The following CAMK2D variants were observed in gnomAD, a reference collection of about 807,000 sequenced individuals.
The protein encoded by CAMK2D is calcium/calmodulin dependent protein kinase II delta.
Under a neutral mutation model 84.0 loss-of-function variants are expected in CAMK2D, and 37 were observed. That is an observed-to-expected ratio of 0.44 (90% CI 0.34 to 0.58). The LOEUF (loss-of-function observed/expected upper bound fraction) is 0.58, where lower values mean the gene tolerates loss of function less well. CAMK2D is among the 20% of genes least tolerant of loss of function. The pLI is 0.02. For synonymous variants in CAMK2D, 202 were observed against 212.5 expected, an observed-to-expected ratio of 0.95 and a Z score of 0.43; for missense variants, 448 against 652.5, an observed-to-expected ratio of 0.69 and a Z score of 3.41.
In CAMK2D at chr4:113,553,678, T is replaced by A. The variant is rs983898991; in HGVS notation, c.276-1582A>T. Among the ~76,000 whole-genome samples the A allele has an allele frequency of 2.6e-5, 4 of 152,200 alleles. 1 individual carries two copies. Among genetic ancestry groups the A allele is most frequent in the Admixed American group, 2.0e-4 (3 of 15,266 alleles). Reference sequence around the variant, plus strand: ...GTCATTATTTCCAATTCTATTATTTTCACATATAAAATGTTTACCTAAGAT... The same window carrying A: ...GTCATTATTTCCAATTCTATTATTTACACATATAAAATGTTTACCTAAGAT... On this transcript the variant is annotated intron_variant, in intron 4 of 20. Coordinates refer to ENST00000511664, the MANE Select transcript of CAMK2D (RefSeq NM_001321571.2).
rs138359973 is a variant in CAMK2D, at chr4:113,731,058, C to A, written c.160+28262G>T. ...TAACCCTCAGATTTTATTTGTCATT[C>A]ATTTCAATATTCACCAACTGAATAT... On this transcript the variant is annotated intron_variant, in intron 2 of 20. Transcript: ENST00000511664. 1.2e-3 allele frequency among the ~76,000 whole-genome samples: 186 copies of A among 152,296 alleles called. 2 individuals are homozygous for A. Among genetic ancestry groups the A allele is most frequent in the Non-Finnish European group, 8.1e-4 (55 of 68,022 alleles).
intron 7 of CAMK2D, among the ~76,000 whole-genome samples, chr4:113,536,420 T>G (rs2098491113): frequency 1.3e-5 from 2 of 152,280 alleles, no homozygotes; most frequent in South Asian, 4.1e-4. Flanking sequence ...GATGTGTACA[T>G]TAGGGACTCA....
At chr4:113,471,769 A>G (rs2097549118) in intron 16 of CAMK2D, among the ~76,000 whole-genome samples, 1 of 151,926 alleles carries the variant, frequency 6.6e-6, no homozygotes, top group Non-Finnish European at 1.5e-5. Flanking sequence ...TCATCACTCT[A>G]TAGAACAGAG....
At chr4:113,512,471 G>T (rs1021523336) in intron 12 of CAMK2D, among the ~76,000 whole-genome samples, 2 of 152,200 alleles carry the variant, frequency 1.3e-5, no homozygotes, top group African/African-American at 4.8e-5. Flanking sequence ...TCTTGAGTTA[G>T]ATACCTTTGA....
intron 8 of CAMK2D, among the ~76,000 whole-genome samples, chr4:113,518,335 G>A (rs1191787914): frequency 6.6e-6 from 1 of 151,952 alleles, no homozygotes; most frequent in African/African-American, 2.4e-5. Flanking sequence ...ATAAACACAT[G>A]GCTGTAATAA....
At chr4:113,696,195 GACACAC>G (rs56784441) in intron 2 of CAMK2D, among the ~76,000 whole-genome samples, 14,151 of 143,864 alleles carry the variant, frequency 0.098, 942 homozygotes, top group African/African-American at 0.2. Context: ...CAGACACACA[GACACAC>G]ACACACACAC....
intron 4 of CAMK2D, among the ~76,000 whole-genome samples, chr4:113,599,498 G>A (rs556950375): frequency 2.6e-4 from 39 of 152,168 alleles, no homozygotes; most frequent in Non-Finnish European, 1.5e-4. Context: ...ATTATTCAAC[G>A]ACAAAAGGAA....
At chr4:113,501,010 C>G (rs934802404) in intron 15 of CAMK2D, among the ~76,000 whole-genome samples, 1 of 151,918 alleles carries the variant, frequency 6.6e-6, no homozygotes, top group Non-Finnish European at 1.5e-5. Flanking sequence ...AGCATTTCAC[C>G]GCATCATTTA....
At chr4:113,496,665 T>C (rs2097938235) in intron 16 of CAMK2D, among the ~76,000 whole-genome samples, 1 of 152,022 alleles carries the variant, frequency 6.6e-6, no homozygotes, top group Non-Finnish European at 1.5e-5. Flanking sequence ...GTCAGGCTAG[T>C]CTTGGACTCC....
intron 3 of CAMK2D, among the ~76,000 whole-genome samples, chr4:113,610,324 A>G (rs906226150): frequency 5.9e-5 from 9 of 152,180 alleles, no homozygotes. Flanking sequence ...AAGTTTTAGG[A>G]CACAACTGCT....
rs567686364 is a variant in CAMK2D at position 113,679,729 on chromosome 4, A to G, written c.161-17957T>C. Reference sequence around the variant, plus strand: ...CATTACAATAGGAAATCTAATTTGGAAATACGCAGCATACAACTTACTTTA... The same window carrying G: ...CATTACAATAGGAAATCTAATTTGGGAATACGCAGCATACAACTTACTTTA... On this transcript the variant is annotated intron_variant, in intron 2 of 20. Coordinates refer to ENST00000511664, the MANE Select transcript of CAMK2D (RefSeq NM_001321571.2). 1.5e-3 allele frequency among the ~76,000 whole-genome samples: 224 copies of G among 152,332 alleles called. 1 individual carries two copies. Among genetic ancestry groups the G allele is most frequent in the African/African-American group, 5.1e-3 (212 of 41,584 alleles).
chr4:113,674,798 G>C (rs2099311464), intron 2 of CAMK2D, among the ~76,000 whole-genome samples: 1 of 151,906 alleles, frequency 6.6e-6, no homozygotes, highest in African/African-American at 2.4e-5. Flanking sequence ...GGAAGCCCCA[G>C]GTGCTTAGTG....
intron 9 of CAMK2D, 115 bp from the exon 10 acceptor site, chr4:113,515,306 T>C (rs1319039015): frequency 1.4e-5 from 9 of 661,168 alleles, no homozygotes; most frequent in Admixed American, 3.2e-5. Context: ...TAAATTTACT[T>C]TTTATATAAG....
chr4:113,617,285 T>C (rs1287200189), intron 3 of CAMK2D, among the ~76,000 whole-genome samples: 2 of 151,856 alleles, frequency 1.3e-5, no homozygotes, highest in Non-Finnish European at 2.9e-5. Flanking sequence ...CTGGGCAACA[T>C]GGTGAGACCC....
chr4:113,563,262 CA>C (rs1299540083), intron 4 of CAMK2D, among the ~76,000 whole-genome samples: 2 of 151,816 alleles, frequency 1.3e-5, no homozygotes, highest in Non-Finnish European at 2.9e-5. Flanking sequence ...CTCAAAAAAA[CA>C]AAAAAACAAA....
chr4:113,689,906 C>T (rs1467539900), intron 2 of CAMK2D, among the ~76,000 whole-genome samples: 2 of 152,186 alleles, frequency 1.3e-5, no homozygotes, highest in African/African-American at 2.4e-5. Context: ...TTGTTTACCA[C>T]TGTTTCTTCA....
In CAMK2D at chr4:113,538,077, C is replaced by CT. The variant is rs898616855; in HGVS notation, c.415-635dup. On this transcript the variant is annotated intron_variant, in intron 6 of 20. Transcript: ENST00000511664. The stretch of plus-strand genomic sequence containing the variant: ...ACTATTTGCCAAATGTTATAGTCAG[C>CT]TTTTTTTTTTCTTTATAAGCCAGCT... Among the ~76,000 whole-genome samples, 239 of 148,418 alleles carry CT rather than the reference C, an allele frequency of 1.6e-3. 1 individual carries two copies. The highest frequency in any genetic ancestry group is 7.1e-3 in the Middle Eastern group (2 of 282).
intron 2 of CAMK2D, among the ~76,000 whole-genome samples, chr4:113,730,120 C>A (rs1287171839): frequency 6.6e-6 from 1 of 151,906 alleles, no homozygotes; most frequent in Non-Finnish European, 1.5e-5. Context: ...CACCTGGTAT[C>A]CTCAGTTCCT....
intron 8 of CAMK2D, among the ~76,000 whole-genome samples, chr4:113,522,116 T>C (rs1361343456): frequency 1.3e-5 from 2 of 152,206 alleles, no homozygotes; most frequent in Non-Finnish European, 2.9e-5. Flanking sequence ...ACATTCAAAA[T>C]TGATTTTAAT....
Sources: allele counts gnomAD v4.1 joint callset (sites outside exome capture counted in the v4.1 genomes callset), GRCh38; gene constraint gnomAD v4.1.1; transcripts MANE v1.5; gene names NCBI Gene and HGNC (gene_info 2026-07-23, HGNC 2026-07-21).